NR5A2: variants seen among roughly 807,000 people sequenced by gnomAD.
The protein encoded by NR5A2 is nuclear receptor subfamily 5 group A member 2.
In NR5A2, 26 loss-of-function variants were observed where a neutral mutation model predicts 62.7. The observed-to-expected ratio is 0.41, with a 90% CI of 0.30 to 0.58. The LOEUF is 0.58. Ranked by LOEUF, NR5A2 falls within the 20% of genes least tolerant of loss-of-function variation. The probability of loss-of-function intolerance (pLI) is 0.22; values close to 1 mark genes in which losing one functional copy is unlikely to be tolerated. For synonymous variants in NR5A2, 246 were observed against 241.7 expected (o/e 1.02, Z -0.16); for missense variants, 541 against 669.1 (o/e 0.81, Z 2.11).
At chr1:200,052,932 A>AAG (rs1662725157) in intron 5 of NR5A2, among the ~76,000 whole-genome samples, 3 of 152,022 alleles carry the variant, frequency 2.0e-5, no homozygotes, top group Admixed American at 1.3e-4. Flanking sequence ...GAGCCACCGC[A>AAG]CCCGGCCTAC....
At chr1:200,084,634 C>T (rs1218083363) in intron 5 of NR5A2, among the ~76,000 whole-genome samples, 1 of 152,140 alleles carries the variant, frequency 6.6e-6, no homozygotes, top group Non-Finnish European at 1.5e-5. Flanking sequence ...TCACAAAGCT[C>T]TTACCCATGT....
chr1:200,046,484 C>T (rs977328248), intron 4 of NR5A2, among the ~76,000 whole-genome samples: 4 of 151,886 alleles, frequency 2.6e-5, no homozygotes, highest in African/African-American at 7.3e-5. Flanking sequence ...TTTATTTGAT[C>T]AATGAGGCAC....
Position 200,048,863 on chromosome 1 carries a change from G to A in NR5A2, c.1110+45G>A. 6.3e-7 allele frequency: 1 copy of A among 1,589,474 alleles called. No homozygotes were observed. Among genetic ancestry groups the A allele is most frequent in the Non-Finnish European group, 8.6e-7 (1 of 1,162,828 alleles). ...AACTTACAGCACCCCTTTTAAGAGA[G>A]ACCTAACTATGTTCCTAATTAATAC... On this transcript the variant is annotated intron_variant, in intron 5 of 7. Coordinates refer to ENST00000367362, the MANE Select transcript of NR5A2 (RefSeq NM_205860.3). The surrounding 1 kb of genome is among the most constrained non-coding windows in gnomAD (Gnocchi z 4.8).
chr1:200,111,351 A>G, intron 6 of NR5A2, 30 bp downstream of exon 6: 2 of 1,562,376 alleles, frequency 1.3e-6, no homozygotes, highest in Non-Finnish European at 1.7e-6. Flanking sequence ...AAAAAAAAAA[A>G]GCATCTTTTT....
intron 5 of NR5A2, among the ~76,000 whole-genome samples, chr1:200,095,074 G>A (rs1665016963): frequency 6.6e-6 from 1 of 151,774 alleles, no homozygotes; most frequent in South Asian, 2.1e-4. Context: ...CAATGAGGAA[G>A]AGGGTATAGT....
chr1:200,115,847 G>A (rs144760865), intron 6 of NR5A2, among the ~76,000 whole-genome samples: 1 of 152,056 alleles, frequency 6.6e-6, no homozygotes, highest in East Asian at 1.9e-4. Flanking sequence ...GAGGATATTT[G>A]ATTGTACTCT....
At chr1:200,058,838 G>A (rs72739186) in intron 5 of NR5A2, among the ~76,000 whole-genome samples, 6 of 149,000 alleles carry the variant, frequency 4.0e-5, no homozygotes, top group South Asian at 2.2e-4. Flanking sequence ...AGACAGGTGC[G>A]GTGGCTCATG....
chr1:200,073,268 T>TTATATATATATATATATA (rs371537456), intron 5 of NR5A2, among the ~76,000 whole-genome samples: 24 of 111,206 alleles, frequency 2.2e-4, no homozygotes, highest in African/African-American at 7.5e-4. Context: ...ATATTCCCCT[T>TTATATATATATATATATA]TATATATATA....
intron 5 of NR5A2, among the ~76,000 whole-genome samples, chr1:200,056,979 AG>A (rs1662942662): frequency 6.6e-6 from 1 of 152,186 alleles, no homozygotes; most frequent in Non-Finnish European, 1.5e-5. Context: ...TTGCAAACTG[AG>A]GCTTAAGCCT....
intron 5 of NR5A2, among the ~76,000 whole-genome samples, chr1:200,097,701 C>G (rs921556950): frequency 5.9e-5 from 9 of 152,170 alleles, no homozygotes; most frequent in Non-Finnish European, 1.0e-4. Flanking sequence ...CCTACAGAGT[C>G]CTTGCCTCAT....
intron 5 of NR5A2, among the ~76,000 whole-genome samples, chr1:200,099,343 CT>C (rs11301306): frequency 0.86 from 126,500 of 147,494 alleles, 54,208 homozygotes; most frequent in East Asian, 0.97. Flanking sequence ...CTCTATAAGC[CT>C]TTTTTTTTTT....
In NR5A2 at chr1:200,039,675, C is replaced by T. The variant is rs537463980; in HGVS notation, c.82C>T (p.Arg28Ter). The T allele has an allele frequency of 4.4e-5, 71 of 1,611,352 alleles. No individual in the cohort carries two copies. Among genetic ancestry groups the T allele is most frequent in the Non-Finnish European group, 5.9e-5 (69 of 1,178,954 alleles). ...LTPIGAGLPD[R>*]HGSPIPARGR... ...GTGTCCAGGTGCTGGGCTTCCGGAC[C>T]GACACGGATCCCCCATCCCCGCCCG... Residue 28 changes from arginine (R) to a stop codon, truncating the protein, a stop_gained, in exon 2 of 8, where the codon CGA becomes TGA. Transcript: ENST00000367362. LOFTEE classifies it high-confidence loss of function. This position sits in a 1 kb window ranked among gnomAD's most constrained non-coding sequence, Gnocchi z 5.1.
chr1:200,056,705 G>A (rs1662930329), intron 5 of NR5A2, among the ~76,000 whole-genome samples: 1 of 152,156 alleles, frequency 6.6e-6, no homozygotes, highest in Non-Finnish European at 1.5e-5. Flanking sequence ...TGGGATATTT[G>A]GTAAGAGAGT....
rs570031051 is a variant in NR5A2, at chr1:200,119,963, C to A, written c.1231-845C>A. On this transcript the variant is annotated intron_variant, in intron 6 of 7. Coordinates refer to ENST00000367362, the MANE Select transcript of NR5A2 (RefSeq NM_205860.3). ...AATAAGCCTTTTCTTTTTTTGCTTC[C>A]AGACAACGGAATTATTCTCCTAAAT... Among the ~76,000 whole-genome samples the A allele has an allele frequency of 1.1e-4, 17 of 151,820 alleles. No homozygotes were observed. In the South Asian group the frequency reaches 3.5e-3, roughly 32 times the overall value.
At chr1:200,140,251 T>C (rs960449781) in intron 7 of NR5A2, among the ~76,000 whole-genome samples, 1 of 152,164 alleles carries the variant, frequency 6.6e-6, no homozygotes, top group African/African-American at 2.4e-5. Context: ...TTCTTTCTTT[T>C]CTTTTTATAG....
At chr1:200,093,554 CTA>C (rs1391577657) in intron 5 of NR5A2, among the ~76,000 whole-genome samples, 7 of 152,184 alleles carry the variant, frequency 4.6e-5, no homozygotes, top group Non-Finnish European at 7.3e-5. Context: ...TCCAGAGAAA[CTA>C]TGAATATTGA....
At chr1:200,116,878 T>C (rs536811839) in intron 6 of NR5A2, among the ~76,000 whole-genome samples, 3 of 152,308 alleles carry the variant, frequency 2.0e-5, no homozygotes, top group Non-Finnish European at 4.4e-5. Flanking sequence ...TGGGGTCAGG[T>C]TTTAGTATTT....
At chr1:200,139,926 G>A (rs1193092635) in intron 7 of NR5A2, among the ~76,000 whole-genome samples, 1 of 152,154 alleles carries the variant, frequency 6.6e-6, no homozygotes, top group South Asian at 2.1e-4. Flanking sequence ...GTAGCCCTAC[G>A]TCCAGTGCTA....
At chr1:200,133,526 T>TATATATAC (rs1416690757) in intron 7 of NR5A2, among the ~76,000 whole-genome samples, 3 of 87,420 alleles carry the variant, frequency 3.4e-5, no homozygotes, top group African/African-American at 1.5e-4. Context: ...TATATATATA[T>TATATATAC]ACACACACAT....
Sources: gnomAD v4.1 joint callset for allele counts (sites outside exome capture counted in the v4.1 genomes callset) on GRCh38, gnomAD v4.1.1 for gene constraint, Gnocchi (gnomAD v3.1) non-coding constraint, MANE v1.5 for transcripts, NCBI Gene and HGNC (gene_info 2026-07-23, HGNC 2026-07-21) for gene names.